The following PCNP variants were observed in gnomAD, a reference collection of about 807,000 sequenced individuals.
PCNP encodes PEST proteolytic signal containing nuclear protein.
A neutral mutation model predicts 21.8 loss-of-function variants in PCNP; 6 were observed. The observed-to-expected ratio is 0.28, with a 90% confidence interval of 0.15 to 0.54. PCNP has a LOEUF of 0.54. Ranked by LOEUF, PCNP falls within the 20% of genes least tolerant of loss-of-function variation. PCNP has a pLI of 0.95. For missense variants in PCNP, 161 were observed against 215.5 expected, an observed-to-expected ratio of 0.75 and a Z score of 1.58; for synonymous variants, 67 against 73.2, an observed-to-expected ratio of 0.92 and a Z score of 0.43.
chr3:101,582,760 A>C (rs1365047048), intron 2 of PCNP, among the ~76,000 whole-genome samples: 3 of 152,220 alleles, frequency 2.0e-5, no homozygotes, highest in Non-Finnish European at 4.4e-5. Context: ...TTACTGATGA[A>C]GTGATCTTTG....
chr3:101,574,266 T>G lies in PCNP; in HGVS notation c.51T>G (p.Ala17=). ...GDEKPEKSQR[A]GAAGGPEEEA... ...AGAAGCCTGAAAAGTCGCAGCGAGCTGGAGCCGCCGGAGGTGAACACAACC... is the reference window on the plus strand; with the variant it reads ...AGAAGCCTGAAAAGTCGCAGCGAGCGGGAGCCGCCGGAGGTGAACACAACC... The change falls in exon 1 of 5, where the codon GCT becomes GCG. Residue 17 remains alanine (A), a synonymous_variant. Transcript: ENST00000265260. 1 of 1,538,900 alleles carries G rather than the reference T, an allele frequency of 6.5e-7. No homozygotes were observed. The highest frequency in any genetic ancestry group is 8.8e-7 in the Non-Finnish European group (1 of 1,140,114).
At chr3:101,580,077 G>C (rs1935144478) in intron 2 of PCNP, 73 bp downstream of exon 2, 2 of 1,064,674 alleles carry the variant, frequency 1.9e-6, no homozygotes, top group Admixed American at 1.8e-5. Context: ...GCGTTTACTA[G>C]GTTATGGTAA....
chr3:101,590,162 G>A lies in PCNP; in HGVS notation c.355-53G>A. 10 of 924,142 alleles carry A rather than the reference G, an allele frequency of 1.1e-5. No homozygotes were observed. The South Asian group carries it at 1.4e-4, about 13-fold the overall frequency. The allele number at this position is 924,142 out of a possible 1,614,324, so 57.2% of individuals were successfully genotyped here. ...TAAAATTTAGCGTATTAGTAATCAG[G>A]AATTGAATAAGTTTGTATGCAGTTA... On this transcript the variant is annotated intron_variant, in intron 3 of 4. Transcript: ENST00000265260.
intron 2 of PCNP, among the ~76,000 whole-genome samples, chr3:101,583,670 CAG>C (rs985665765): frequency 6.6e-6 from 1 of 151,928 alleles, no homozygotes; most frequent in African/African-American, 2.4e-5. Context: ...GATTTTGAGA[CAG>C]AGACTCACTC....
chr3:101,586,156 G>T, intron 3 of PCNP, among the ~76,000 whole-genome samples: 1 of 119,536 alleles, frequency 8.4e-6, no homozygotes, highest in African/African-American at 3.2e-5. Flanking sequence ...GGGCAACAGA[G>T]CTAGTCTCTG....
At chr3:101,592,551 G>C (rs181452527) in intron 4 of PCNP, 76 bp from the exon 5 acceptor site, 1 of 1,184,176 alleles carries the variant, frequency 8.4e-7, no homozygotes, top group African/African-American at 1.6e-5. Flanking sequence ...AAACAAACAT[G>C]TATTGAATGA....
chr3:101,588,366 G>A (rs1935642348), intron 3 of PCNP, among the ~76,000 whole-genome samples: 1 of 152,126 alleles, frequency 6.6e-6, no homozygotes, highest in African/African-American at 2.4e-5. Context: ...TGTTCTTTGT[G>A]TCATACCCTG....
chr3:101,574,629 C>T (rs1334763174), intron 1 of PCNP, among the ~76,000 whole-genome samples: 2 of 152,190 alleles, frequency 1.3e-5, no homozygotes, highest in Non-Finnish European at 2.9e-5. Context: ...ACGCACATCA[C>T]ACAAAACACA....
chr3:101,580,756 T>C (rs957223548), intron 2 of PCNP, among the ~76,000 whole-genome samples: 2 of 152,214 alleles, frequency 1.3e-5, no homozygotes, highest in Non-Finnish European at 2.9e-5. Flanking sequence ...AAATATTAAT[T>C]TGAAGCATAT....
chr3:101,585,759 A>C (rs1935464416), intron 3 of PCNP, among the ~76,000 whole-genome samples: 1 of 152,204 alleles, frequency 6.6e-6, no homozygotes, highest in Non-Finnish European at 1.5e-5. Context: ...TATTATGAGT[A>C]GTTTGTGCTA....
chr3:101,593,930 T>A lies in PCNP; in HGVS notation c.*1177T>A, dbSNP rs564975377. ...TGTATTGTAGGGTGTTTGTTTTGTA[T>A]TTTTGTATTGTATATGAACTTTTTT... is the stretch of plus-strand genomic sequence containing the variant. On this transcript the variant is annotated 3_prime_UTR_variant, in exon 5 of 5. Transcript: ENST00000265260. 171 of 152,788 alleles carry A rather than the reference T, an allele frequency of 1.1e-3. No homozygotes were observed. The highest frequency in any genetic ancestry group is 1.9e-3 in the Non-Finnish European group (132 of 68,032). The allele number at this position is 152,788 out of a possible 1,614,324, so 9.5% of individuals were successfully genotyped here.
intron 1 of PCNP, among the ~76,000 whole-genome samples, chr3:101,576,238 G>T (rs2114303): frequency 6.8e-6 from 1 of 145,994 alleles, no homozygotes; most frequent in South Asian, 2.1e-4. Flanking sequence ...TTTTATGAAT[G>T]GTTTCCTTTT....
At chr3:101,574,357 G>A (rs1436540897) in intron 1 of PCNP, 78 bp downstream of exon 1, 3 of 1,447,760 alleles carry the variant, frequency 2.1e-6, no homozygotes, top group Non-Finnish European at 2.8e-6. Context: ...GGGGGAGTGG[G>A]GTGGGGCGAG....
At chr3:101,584,817 A>G (rs988448063) in intron 2 of PCNP, among the ~76,000 whole-genome samples, 3 of 152,304 alleles carry the variant, frequency 2.0e-5, no homozygotes, top group South Asian at 4.1e-4. Flanking sequence ...CCTGGCCAAC[A>G]TGGCGAAACC....
chr3:101,588,253 A>G (rs1191582475), intron 3 of PCNP, among the ~76,000 whole-genome samples: 2 of 152,210 alleles, frequency 1.3e-5, no homozygotes, highest in African/African-American at 4.8e-5. Flanking sequence ...CCTGGGCAAC[A>G]GAGCAAGACT....
chr3:101,585,162 T>C (rs528436801), intron 2 of PCNP, among the ~76,000 whole-genome samples: 112 of 152,328 alleles, frequency 7.4e-4, no homozygotes, highest in African/African-American at 2.4e-3. Flanking sequence ...CTGTACCAAG[T>C]ACCCCTTAGG....
chr3:101,584,028 T>C (rs1402549290), intron 2 of PCNP, among the ~76,000 whole-genome samples: 1 of 152,052 alleles, frequency 6.6e-6, no homozygotes, highest in Non-Finnish European at 1.5e-5. Flanking sequence ...GGTAATGTGA[T>C]AGCATGATTG....
intron 3 of PCNP, among the ~76,000 whole-genome samples, chr3:101,587,241 ACT>A (rs1399739418): frequency 8.0e-5 from 11 of 137,782 alleles, no homozygotes; most frequent in South Asian, 4.9e-4. Flanking sequence ...CAAGAGCAAA[ACT>A]CTGTCTCAAA....
chr3:101,587,907 G>T (rs138551844), intron 3 of PCNP, among the ~76,000 whole-genome samples: 2 of 152,110 alleles, frequency 1.3e-5, no homozygotes, highest in Non-Finnish European at 2.9e-5. Flanking sequence ...AATGCCTAAC[G>T]ATTTGGATAT....
Sources: allele counts gnomAD v4.1 joint callset (sites outside exome capture counted in the v4.1 genomes callset), GRCh38; gene constraint gnomAD v4.1.1; transcripts MANE v1.5; gene names NCBI Gene and HGNC (gene_info 2026-07-23, HGNC 2026-07-21).